Variants in IL26 observed in about 807,000 individuals in gnomAD.
IL26 encodes interleukin 26, also known as interleukin-26.
In IL26, 23 loss-of-function variants were observed where a neutral mutation model predicts 21.7. That is an observed-to-expected ratio of 1.06 (90% CI 0.76 to 1.50). The LOEUF is 1.50. Among genes scored for constraint, IL26 ranks in the 40% most tolerant of loss-of-function variants. The pLI is 0.00. For missense variants in IL26, 204 were observed against 196.0 expected (o/e 1.04, Z -0.24); for synonymous variants, 63 against 67.8 (o/e 0.93, Z 0.34).
chr12:68,225,420 A>C, intron 2 of IL26, 24 bp downstream of exon 2: 1 of 1,550,132 alleles, frequency 6.5e-7, no homozygotes, highest in Non-Finnish European at 8.8e-7. Context: ...GAAATGTAAA[A>C]AAGAAGAAGA....
At chr12:68,218,101 C>T (rs1170095573) in intron 3 of IL26, among the ~76,000 whole-genome samples, 1 of 151,986 alleles carries the variant, frequency 6.6e-6, no homozygotes, top group Non-Finnish European at 1.5e-5. Context: ...TTAACTGTGT[C>T]CCAGAAGAAA....
intron 3 of IL26, among the ~76,000 whole-genome samples, chr12:68,222,597 G>C (rs1310759593): frequency 1.3e-5 from 2 of 152,122 alleles, no homozygotes; most frequent in Non-Finnish European, 2.9e-5. Context: ...TCTGTCTCCC[G>C]ATCGTGGAAG....
chr12:68,207,755 A>T (rs1868583044), intron 3 of IL26, among the ~76,000 whole-genome samples: 1 of 152,186 alleles, frequency 6.6e-6, no homozygotes, highest in Non-Finnish European at 1.5e-5. Context: ...TTTGTTTACA[A>T]ACCAAATGGC....
intron 3 of IL26, among the ~76,000 whole-genome samples, chr12:68,210,783 G>GT (rs940175087): frequency 2.0e-5 from 3 of 151,958 alleles, no homozygotes; most frequent in Non-Finnish European, 2.9e-5. Flanking sequence ...ATTAGAAAGA[G>GT]TTTTTTTAAT....
At position 68,201,446 on chromosome 12, in the gene IL26, A is replaced by G. The variant is rs904799627; in HGVS notation, c.*399T>C. ...CAATTTTCAAACACTTAAACAGACAATCATATACATAACATCTATTTAAGT... is the reference window on the plus strand; with the variant it reads ...CAATTTTCAAACACTTAAACAGACAGTCATATACATAACATCTATTTAAGT... On this transcript the variant is annotated 3_prime_UTR_variant, in exon 5 of 5. Transcript: ENST00000229134. The G allele has an allele frequency of 6.2e-6, 1 of 162,128 alleles. No individual in the cohort carries two copies. Among genetic ancestry groups the G allele is most frequent in the African/African-American group, 2.4e-5 (1 of 41,564 alleles). 10.0% of individuals were successfully genotyped at this position (162,128 alleles called of 1,614,324 possible).
chr12:68,220,266 A>C (rs1869008777), intron 3 of IL26, among the ~76,000 whole-genome samples: 1 of 152,164 alleles, frequency 6.6e-6, no homozygotes. Flanking sequence ...CCGTAGACTA[A>C]CATCTAACAT....
chr12:68,222,698 T>TC (rs1244299175), intron 3 of IL26, among the ~76,000 whole-genome samples: 1 of 151,930 alleles, frequency 6.6e-6, no homozygotes, highest in Non-Finnish European at 1.5e-5. Flanking sequence ...CCTCTCACAG[T>TC]CCCCCCTTTC....
chr12:68,215,674 T>A (rs763835671), intron 3 of IL26, among the ~76,000 whole-genome samples: 2 of 152,072 alleles, frequency 1.3e-5, no homozygotes, highest in African/African-American at 4.8e-5. Flanking sequence ...AATTTATTTA[T>A]CTTTTTTTCT....
chr12:68,204,682 T>A (rs1454331494), intron 3 of IL26, among the ~76,000 whole-genome samples: 2 of 147,288 alleles, frequency 1.4e-5, no homozygotes, highest in East Asian at 4.4e-4. Context: ...AAAACACTGT[T>A]CAATTAAAAA....
chr12:68,212,072 G>A (rs1486015323), intron 3 of IL26, among the ~76,000 whole-genome samples: 1 of 152,092 alleles, frequency 6.6e-6, no homozygotes, highest in Admixed American at 6.6e-5. Context: ...AGAGATAGGA[G>A]TTTAGTTTCA....
At chr12:68,216,023 T>C (rs1868867871) in intron 3 of IL26, among the ~76,000 whole-genome samples, 1 of 149,138 alleles carries the variant, frequency 6.7e-6, no homozygotes, top group Non-Finnish European at 1.5e-5. Context: ...CCAGGCGTGG[T>C]GGCTCACGCC....
chr12:68,207,616 A>C (rs766697802), intron 3 of IL26, among the ~76,000 whole-genome samples: 11 of 152,206 alleles, frequency 7.2e-5, no homozygotes, highest in Non-Finnish European at 1.6e-4. Flanking sequence ...GTCTCTACTC[A>C]CATTACTCAT....
At chr12:68,224,913 T>TAG (rs1485047562) in intron 3 of IL26, among the ~76,000 whole-genome samples, 1 of 152,240 alleles carries the variant, frequency 6.6e-6, no homozygotes, top group Non-Finnish European at 1.5e-5. Flanking sequence ...CATGTTACTT[T>TAG]AGCTCTCTTC....
intron 3 of IL26, among the ~76,000 whole-genome samples, chr12:68,219,519 T>C (rs916818671): frequency 3.3e-5 from 5 of 151,838 alleles, no homozygotes; most frequent in African/African-American, 1.2e-4. Context: ...GATTGTGAAA[T>C]GTAACTAAAG....
intron 3 of IL26, among the ~76,000 whole-genome samples, chr12:68,208,110 G>T (rs950710076): frequency 6.6e-6 from 1 of 152,164 alleles, no homozygotes; most frequent in African/African-American, 2.4e-5. Flanking sequence ...CTCACAGTCT[G>T]CCAAGACACA....
intron 2 of IL26, 41 bp from the exon 3 acceptor site, chr12:68,225,324 AATCGTTTTTT>A: frequency 6.3e-7 from 1 of 1,586,780 alleles, no homozygotes; most frequent in South Asian, 1.1e-5. Flanking sequence ...GTAAATTATG[AATCGTTTTTT>A]AATGTCCCCC....
chr12:68,225,378 A>C, intron 2 of IL26, 66 bp downstream of exon 2: 1 of 1,519,178 alleles, frequency 6.6e-7, no homozygotes, highest in Non-Finnish European at 9.0e-7. Context: ...AAAAAAATTT[A>C]AATGCAGGGG....
chr12:68,224,513 G>T (rs1260959715), intron 3 of IL26, among the ~76,000 whole-genome samples: 2 of 151,302 alleles, frequency 1.3e-5, no homozygotes, highest in African/African-American at 4.9e-5. Flanking sequence ...GCCTTAAAAG[G>T]GGCACAAATA....
At chr12:68,217,309 A>C (rs967525060) in intron 3 of IL26, among the ~76,000 whole-genome samples, 4 of 152,202 alleles carry the variant, frequency 2.6e-5, no homozygotes, top group African/African-American at 9.6e-5. Flanking sequence ...ACTTGCAAGG[A>C]AGCCCAAAAG....
Sources: allele counts gnomAD v4.1 joint callset (sites outside exome capture counted in the v4.1 genomes callset), GRCh38; gene constraint gnomAD v4.1.1; transcripts MANE v1.5; gene names NCBI Gene and HGNC (gene_info 2026-07-23, HGNC 2026-07-21).